The following PTPRD variants were observed in gnomAD, a reference collection of about 807,000 sequenced individuals.
The protein encoded by PTPRD is protein tyrosine phosphatase receptor type D.
A neutral mutation model predicts 214.5 loss-of-function variants in PTPRD; 34 were observed. The observed-to-expected ratio is 0.16, with a 90% CI of 0.12 to 0.21. The LOEUF (loss-of-function observed/expected upper bound fraction) is 0.21, where lower values mean the gene tolerates loss of function less well. PTPRD is among the 10% of genes least tolerant of loss of function. PTPRD has a pLI of 1.00. For synonymous variants in PTPRD, 1,128 were observed against 845.7 expected (o/e 1.33, Z -5.79); for missense variants, 2,545 against 2,398.7 (o/e 1.06, Z -1.27).
intron 7 of PTPRD, among the ~76,000 whole-genome samples, chr9:9,588,834 A>G (rs2092394996): frequency 6.6e-6 from 1 of 151,940 alleles, no homozygotes; most frequent in Non-Finnish European, 1.5e-5. Context: ...TAAGAGCCAG[A>G]GCTTTTCTAT....
chr9:8,928,067 A>T (rs1018823859), intron 11 of PTPRD, among the ~76,000 whole-genome samples: 19 of 151,960 alleles, frequency 1.3e-4, no homozygotes, highest in African/African-American at 4.1e-4. Flanking sequence ...TTTCCTTGTA[A>T]ATTTGTTAAA....
rs2135758436 is a variant in PTPRD, at chr9:8,484,155, A to G, written c.3377T>C (p.Val1126Ala). 1.2e-6 allele frequency: 2 copies of G among 1,614,140 alleles called. No homozygotes were observed. The highest frequency in any genetic ancestry group is 1.7e-6 in the Non-Finnish European group (2 of 1,180,008). The change falls in exon 30 of 46, where the codon GTG becomes GCG. Residue 1126 changes from valine to alanine, a missense_variant. Physicochemically the swap from Val to Ala is moderately conservative, Grantham distance 64. Coordinates refer to ENST00000381196, the MANE Select transcript of PTPRD (RefSeq NM_002839.4). Reference protein sequence around the residue: ...GKTNLDGMITVQLPEVPANEN... With the variant: ...GKTNLDGMITAQLPEVPANEN... ...ATTTGCAGGTACTTCAGGCAGTTGC[A>G]CAGTAATCATGCCATCCAAGTTGGT... is the stretch of plus-strand genomic sequence containing the variant.
At chr9:8,730,720 T>C (rs762655365) in intron 12 of PTPRD, among the ~76,000 whole-genome samples, 3 of 152,232 alleles carry the variant, frequency 2.0e-5, no homozygotes, top group Non-Finnish European at 4.4e-5. Flanking sequence ...ACCTGAGGAT[T>C]ACATTACTAT....
chr9:10,358,395 C>A (rs558348374), intron 2 of PTPRD, among the ~76,000 whole-genome samples: 8 of 151,916 alleles, frequency 5.3e-5, no homozygotes, highest in Admixed American at 4.6e-4. Flanking sequence ...CTGAATTTTA[C>A]ATCTTATAGG....
chr9:10,558,001 A>G (rs2063011453), intron 2 of PTPRD, among the ~76,000 whole-genome samples: 1 of 152,242 alleles, frequency 6.6e-6, no homozygotes, highest in East Asian at 1.9e-4. Context: ...GAAATTCTTA[A>G]TACTACTGGA....
chr9:8,347,480 A>C (rs762233430), intron 39 of PTPRD, among the ~76,000 whole-genome samples: 11 of 152,134 alleles, frequency 7.2e-5, no homozygotes, highest in Non-Finnish European at 8.8e-5. Context: ...ACATTAAATA[A>C]TCACATGAAT....
intron 8 of PTPRD, among the ~76,000 whole-genome samples, chr9:9,475,908 C>A (rs2094997031): frequency 6.6e-6 from 1 of 152,102 alleles, no homozygotes; most frequent in Non-Finnish European, 1.5e-5. Flanking sequence ...AAACTGCTAC[C>A]TCCGCAGTGG....
intron 5 of PTPRD, among the ~76,000 whole-genome samples, chr9:9,856,368 G>A (rs1475584295): frequency 1.3e-5 from 2 of 152,106 alleles, no homozygotes; most frequent in Non-Finnish European, 2.9e-5. Flanking sequence ...CGGTCTCAGG[G>A]TTTTTGGCTT....
rs145810406 is a variant in PTPRD at position 9,072,274 on chromosome 9, G to A, written c.-142-53539C>T. On this transcript the variant is annotated intron_variant, in intron 10 of 45. Coordinates refer to ENST00000381196, the MANE Select transcript of PTPRD (RefSeq NM_002839.4). ...AGTCTTTCTCACGAACAAAGAGCTG[G>A]CAACTTACACACACACACACACACA... Among the ~76,000 whole-genome samples, 127 of 121,470 alleles carry A rather than the reference G, an allele frequency of 1.0e-3. 1 individual carries two copies. Among genetic ancestry groups the A allele is most frequent in the South Asian group, 0.01 (42 of 4,020 alleles). The allele number at this position is 121,470 out of a possible 152,430, so 79.7% of individuals were successfully genotyped here. A position where few individuals can be genotyped will look rare whatever the true frequency, so the allele number is the denominator to read the frequency against.
chr9:8,740,775 G>A (rs144727345), intron 11 of PTPRD, among the ~76,000 whole-genome samples: 14 of 152,228 alleles, frequency 9.2e-5, no homozygotes, highest in Non-Finnish European at 1.5e-4. Context: ...TAGTTTAAGA[G>A]CTATTACATA....
At chr9:8,624,254 A>G (rs78295485) in intron 14 of PTPRD, among the ~76,000 whole-genome samples, 5,242 of 152,044 alleles carry the variant, frequency 0.034, 317 homozygotes, top group African/African-American at 0.12. Flanking sequence ...ATTGTGTACT[A>G]GCATAGCACC....
intron 7 of PTPRD, among the ~76,000 whole-genome samples, chr9:9,625,489 G>A (rs1358867459): frequency 6.6e-6 from 1 of 151,842 alleles, no homozygotes; most frequent in Non-Finnish European, 1.5e-5. Flanking sequence ...TGATTGGACC[G>A]TACCACCCCA....
intron 2 of PTPRD, among the ~76,000 whole-genome samples, chr9:10,578,970 T>C (rs1216127577): frequency 1.3e-5 from 2 of 152,038 alleles, no homozygotes; most frequent in African/African-American, 2.4e-5. Context: ...GTTTGTTACG[T>C]AGGTATACAT....
At chr9:8,597,601 A>C (rs572097728) in intron 14 of PTPRD, among the ~76,000 whole-genome samples, 1 of 152,340 alleles carries the variant, frequency 6.6e-6, no homozygotes, top group South Asian at 2.1e-4. Context: ...TCAAGTTTAC[A>C]TTTAGAACTA....
intron 43 of PTPRD, among the ~76,000 whole-genome samples, chr9:8,333,765 G>A (rs1288642513): frequency 1.3e-5 from 2 of 152,048 alleles, no homozygotes; most frequent in Non-Finnish European, 2.9e-5. Flanking sequence ...TGGCCAATTG[G>A]ATAAAGAGTA....
intron 11 of PTPRD, among the ~76,000 whole-genome samples, chr9:8,891,935 G>A (rs2098543215): frequency 6.6e-6 from 1 of 152,058 alleles, no homozygotes; most frequent in Non-Finnish European, 1.5e-5. Context: ...TTTTCTGAGT[G>A]GGCTAAAAAT....
At chr9:8,923,872 C>A (rs2098845382) in intron 11 of PTPRD, among the ~76,000 whole-genome samples, 1 of 152,098 alleles carries the variant, frequency 6.6e-6, no homozygotes, top group East Asian at 1.9e-4. Flanking sequence ...TTAAGCTCTG[C>A]CTTTTTGAGC....
chr9:9,720,666 A>T (rs567081520), intron 7 of PTPRD, among the ~76,000 whole-genome samples: 1 of 152,288 alleles, frequency 6.6e-6, no homozygotes, highest in Admixed American at 6.5e-5. Context: ...GCAAAAAATA[A>T]GAGTGTTCAT....
intron 11 of PTPRD, among the ~76,000 whole-genome samples, chr9:9,000,464 A>G (rs1292588254): frequency 6.6e-6 from 1 of 151,992 alleles, no homozygotes; most frequent in Non-Finnish European, 1.5e-5. Flanking sequence ...GTTCATCTTG[A>G]GGTGCTTGTT....
Sources: allele counts gnomAD v4.1 joint callset (sites outside exome capture counted in the v4.1 genomes callset), GRCh38; gene constraint gnomAD v4.1.1; transcripts MANE v1.5; gene names NCBI Gene and HGNC (gene_info 2026-07-23, HGNC 2026-07-21).